Variants in ASPHD1 observed in about 807,000 individuals in gnomAD.
The protein encoded by ASPHD1 is aspartate beta-hydroxylase domain-containing protein 1.
ASPHD1 carries 20 observed loss-of-function variants against 28.3 expected under a neutral mutation model. The observed-to-expected ratio is 0.71, with a 90% CI of 0.50 to 1.03. The LOEUF is 1.03. Among genes scored for constraint, ASPHD1 ranks in the 50% least tolerant of loss-of-function variants. ASPHD1 has a pLI of 0.00. For missense variants in ASPHD1, 479 were observed against 524.1 expected (o/e 0.91, Z 0.84); for synonymous variants, 240 against 221.2 (o/e 1.08, Z -0.75).
rs866517331 is a variant in ASPHD1, at chr16:29,901,296, G to A, written c.325G>A (p.Gly109Arg). Reference protein sequence around the residue: ...GSQDMQALGAGSRAGGVRGGP... With the variant: ...GSQDMQALGARSRAGGVRGGP... ...CCAAGACATGCAGGCCCTAGGGGCT[G>A]GGAGCCGAGCTGGGGGTGTTCGTGG... Residue 109 changes from glycine (G) to arginine (R), a missense_variant, in exon 1 of 3, where the codon GGG becomes AGG. Physicochemically the swap from Gly to Arg is moderately radical, Grantham distance 125. Transcript: ENST00000308748. The surrounding 1 kb of genome is among the most constrained non-coding windows in gnomAD (Gnocchi z 5.1). 2.3e-5 allele frequency: 37 copies of A among 1,612,122 alleles called. No individual in the cohort carries two copies. The highest frequency in any genetic ancestry group is 5.0e-5 in the Admixed American group (3 of 59,880).
rs1313142333 is a variant in ASPHD1 at position 29,901,824 on chromosome 16, A to T, written c.853A>T (p.Asn285Tyr). 6.4e-7 allele frequency: 1 copy of T among 1,556,894 alleles called. No individual in the cohort carries two copies. The highest frequency in any genetic ancestry group is 1.2e-5 in the South Asian group (1 of 83,660). The change falls in exon 1 of 3, where the codon AAC (asparagine) becomes TAC (tyrosine). Residue 285 changes from asparagine (N) to tyrosine (Y), a missense_variant. Asn to Tyr is a moderately radical substitution (Grantham distance 143). Transcript: ENST00000308748. The surrounding 1 kb of genome is among the most constrained non-coding windows in gnomAD (Gnocchi z 5.1). ...LRGLRSFMSANTFGNAGFSVL... is the reference protein window; with the variant it reads ...LRGLRSFMSAYTFGNAGFSVL... ...GGGGCTTCGAAGCTTTATGAGTGCC[A>T]ACACCTTCGGCAATGCCGGCTTTTC...
At chr16:29,919,090 A>C (rs1473018724) in intron 3 of ASPHD1, among the ~76,000 whole-genome samples, 1 of 152,086 alleles carries the variant, frequency 6.6e-6, no homozygotes, top group African/African-American at 2.4e-5. Flanking sequence ...CACCGTGCCC[A>C]CCCAATATCA....
chr16:29,907,055 G>A (rs766653477), downstream of ASPHD1: 11 of 1,613,510 alleles, frequency 6.8e-6, no homozygotes, highest in African/African-American at 1.3e-5. Context: ...GGGGAGTCTC[G>A]TAGATGAGGA....
intron 3 of ASPHD1, among the ~76,000 whole-genome samples, chr16:29,912,632 G>A (rs979562587): frequency 1.3e-5 from 2 of 152,104 alleles, no homozygotes; most frequent in Admixed American, 1.3e-4. Flanking sequence ...TAGAGACGAG[G>A]TTTCTCCATG....
intron 2 of ASPHD1, 158 bp downstream of exon 2, chr16:29,905,123 C>T: frequency 1.8e-6 from 1 of 565,314 alleles, no homozygotes; most frequent in Non-Finnish European, 3.1e-6. Flanking sequence ...CTCCAATGCC[C>T]TAGGACCACC....
chr16:29,907,097 T>C (rs1597008819), downstream of ASPHD1: 2 of 1,603,626 alleles, frequency 1.2e-6, no homozygotes, highest in Non-Finnish European at 1.7e-6. Flanking sequence ...TCCGGGCCTC[T>C]GGAAATTCCA....
chr16:29,913,254 A>C (rs2068748478), intron 3 of ASPHD1: 1 of 151,986 alleles, frequency 6.6e-6, no homozygotes, highest in Non-Finnish European at 1.5e-5. Flanking sequence ...TCAGTTTTTA[A>C]AAATAAGAGC....
chr16:29,901,435 G>C lies in ASPHD1; in HGVS notation c.464G>C (p.Arg155Thr). The change falls in exon 1 of 3, where the codon AGG becomes ACG. Residue 155 changes from arginine (R) to threonine (T), a missense_variant. Arg to Thr is a moderately conservative substitution (Grantham distance 71, BLOSUM62 -1). Coordinates refer to ENST00000308748, the MANE Select transcript of ASPHD1 (RefSeq NM_181718.4). The surrounding 1 kb of genome is among the most constrained non-coding windows in gnomAD (Gnocchi z 5.1). ...LVSRRLRAYA[R>T]RYSWAGMGRV... ...AGCCGGCGGCTTCGGGCCTACGCAA[G>C]GCGCTACTCCTGGGCTGGGATGGGT... 6.2e-7 allele frequency: 1 copy of C among 1,601,546 alleles called. No homozygotes were observed.
chr16:29,915,513 G>A (rs1444732661), intron 3 of ASPHD1, among the ~76,000 whole-genome samples: 2 of 151,756 alleles, frequency 1.3e-5, no homozygotes, highest in African/African-American at 2.4e-5. Flanking sequence ...TTAGCTGGGC[G>A]TGGTGGTGGG....
chr16:29,911,758 A>G, intron 3 of ASPHD1: 2 of 1,591,720 alleles, frequency 1.3e-6, no homozygotes, highest in South Asian at 2.2e-5. Flanking sequence ...CTTGGGCAGA[A>G]GCAGGGCTGT....
chr16:29,900,594 T>TAGG lies in ASPHD1; in HGVS notation c.-375_-373dup, dbSNP rs148281484. 0.01 allele frequency: 2,578 copies of TAGG among 257,164 alleles called. 67 individuals carry two copies. The highest frequency in any genetic ancestry group is 0.056 in the African/African-American group (2,409 of 43,388). 15.9% of individuals were successfully genotyped at this position (257,164 alleles called of 1,614,324 possible). On this transcript the variant is annotated 5_prime_UTR_variant, in exon 1 of 3. Coordinates refer to ENST00000308748, the MANE Select transcript of ASPHD1 (RefSeq NM_181718.4). ...GAGTGGGAGCCCAGGAAGGAGCGAG[T>TAGG]AGGAGAGAGGGAGCGAGAGCCAGGC...
intron 1 of ASPHD1, among the ~76,000 whole-genome samples, chr16:29,902,810 T>C (rs2068565183): frequency 1.3e-5 from 2 of 151,420 alleles, no homozygotes; most frequent in African/African-American, 2.4e-5. Flanking sequence ...CCACCGTGCC[T>C]AGCCCTACAC....
downstream of ASPHD1, chr16:29,906,788 G>A (rs2150831295): frequency 8.0e-7 from 1 of 1,244,276 alleles, no homozygotes; most frequent in South Asian, 1.3e-5. Flanking sequence ...GGCCAGCAGA[G>A]CCGGGGCAAA....
intron 3 of ASPHD1, among the ~76,000 whole-genome samples, chr16:29,915,849 T>C (rs1284928400): frequency 1.3e-5 from 2 of 152,236 alleles, no homozygotes; most frequent in Non-Finnish European, 2.9e-5. Context: ...CTGTATTTAA[T>C]GCCTTGTATT....
chr16:29,911,077 C>A, intron 3 of ASPHD1: 1 of 1,614,176 alleles, frequency 6.2e-7, no homozygotes, highest in East Asian at 2.2e-5. Flanking sequence ...AGATCTCGTC[C>A]CCCAGGACAT....
At chr16:29,908,413 C>T (rs2068650228), downstream of ASPHD1, among the ~76,000 whole-genome samples, 1 of 151,980 alleles carries the variant, frequency 6.6e-6, no homozygotes, top group African/African-American at 2.4e-5. Flanking sequence ...GAGACAGAGT[C>T]TTGCTCTGTC....
At position 29,901,012 on chromosome 16, in the gene ASPHD1, C is replaced by A. The variant is rs762628760; in HGVS notation, c.41C>A (p.Pro14Gln). Reference protein sequence around the residue: ...GRGSFSVERGPRKERETAQSG... With the variant: ...GRGSFSVERGQRKERETAQSG... ...GGGAGCTTCAGCGTGGAGAGAGGAC[C>A]GCGGAAGGAGAGAGAGACAGCCCAG... The change falls in exon 1 of 3, where the codon CCG becomes CAG. Residue 14 changes from proline (P) to glutamine (Q), a missense_variant. Physicochemically the swap from Pro to Gln is moderately conservative, Grantham distance 76. Transcript: ENST00000308748. The surrounding 1 kb of genome is among the most constrained non-coding windows in gnomAD (Gnocchi z 5.1). 6.4e-7 allele frequency: 1 copy of A among 1,566,518 alleles called. No individual in the cohort carries two copies. Among genetic ancestry groups the A allele is most frequent in the Non-Finnish European group, 8.7e-7 (1 of 1,155,212 alleles).
chr16:29,903,308 A>G (rs1165783352), intron 1 of ASPHD1, among the ~76,000 whole-genome samples: 2 of 152,022 alleles, frequency 1.3e-5, no homozygotes, highest in Admixed American at 6.6e-5. Context: ...GTGAGCCGAG[A>G]TCACAACATT....
intron 2 of ASPHD1, 127 bp downstream of exon 2, chr16:29,905,092 C>A: frequency 3.1e-6 from 2 of 651,338 alleles, no homozygotes; most frequent in South Asian, 1.8e-5. Flanking sequence ...GCTGCATGAC[C>A]TTGAACAAGC....
Sources: gnomAD v4.1 joint callset for allele counts (sites outside exome capture counted in the v4.1 genomes callset) on GRCh38, gnomAD v4.1.1 for gene constraint, Gnocchi (gnomAD v3.1) non-coding constraint, MANE v1.5 for transcripts, NCBI Gene and HGNC (gene_info 2026-07-23, HGNC 2026-07-21) for gene names.